FOXJ3: variants seen among roughly 807,000 people sequenced by gnomAD.
FOXJ3 encodes the protein forkhead box J3.
A neutral mutation model predicts 76.1 loss-of-function variants in FOXJ3; 22 were observed. The ratio of observed to expected loss-of-function variants is 0.29; its 90% CI spans 0.21 to 0.41. The LOEUF is 0.41. Ranked by LOEUF, FOXJ3 falls within the 10% of genes least tolerant of loss-of-function variation. FOXJ3 has a pLI of 1.00. For missense variants in FOXJ3, 613 were observed against 762.1 expected (o/e 0.80, Z 2.30); for synonymous variants, 269 against 261.2 (o/e 1.03, Z -0.29).
At chr1:42,223,296 G>A (rs1647298315) in intron 5 of FOXJ3, among the ~76,000 whole-genome samples, 2 of 152,086 alleles carry the variant, frequency 1.3e-5, no homozygotes, top group South Asian at 2.1e-4. Flanking sequence ...CTTGCAATGG[G>A]TTATGTGAAG....
intron 2 of FOXJ3, among the ~76,000 whole-genome samples, chr1:42,293,073 C>A (rs546398675): frequency 2.6e-4 from 39 of 152,202 alleles, no homozygotes; most frequent in African/African-American, 9.4e-4. Flanking sequence ...TGTACTCCAG[C>A]CTGGGTGACA....
intron 2 of FOXJ3, among the ~76,000 whole-genome samples, chr1:42,288,710 C>T (rs1486651814): frequency 6.6e-6 from 1 of 152,124 alleles, no homozygotes; most frequent in Non-Finnish European, 1.5e-5. Flanking sequence ...TCACTCTTAT[C>T]CTCTCATACA....
intron 11 of FOXJ3, among the ~76,000 whole-genome samples, chr1:42,182,777 C>T (rs1019915691): frequency 1.7e-4 from 26 of 152,228 alleles, no homozygotes; most frequent in African/African-American, 6.3e-4. Context: ...GGATTATAGG[C>T]ATGAGCCACC....
intron 7 of FOXJ3, among the ~76,000 whole-genome samples, chr1:42,197,196 TTAG>T (rs1287233944): frequency 6.6e-6 from 1 of 152,094 alleles, no homozygotes; most frequent in African/African-American, 2.4e-5. Flanking sequence ...CTTCTGGCAT[TTAG>T]TAGCATCAAA....
At chr1:42,228,069 C>A in intron 4 of FOXJ3, 103 bp from the exon 5 acceptor site, 1 of 505,112 alleles carries the variant, frequency 2.0e-6, no homozygotes, top group Admixed American at 3.6e-5. Flanking sequence ...TCTGCAAATA[C>A]AATGGAAAAA....
chr1:42,314,531 C>A (rs546982114), intron 1 of FOXJ3, among the ~76,000 whole-genome samples: 4 of 152,170 alleles, frequency 2.6e-5, no homozygotes, highest in African/African-American at 9.7e-5. Flanking sequence ...GGATTACAGG[C>A]GTGAGGCACC....
At chr1:42,263,026 T>C (rs1056291269) in intron 4 of FOXJ3, among the ~76,000 whole-genome samples, 6 of 152,156 alleles carry the variant, frequency 3.9e-5, no homozygotes, top group East Asian at 3.8e-4. Context: ...TGAAAACTAC[T>C]GGTAAAAGAT....
chr1:42,331,788 G>C (rs1388685187), intron 1 of FOXJ3, among the ~76,000 whole-genome samples: 1 of 150,888 alleles, frequency 6.6e-6, no homozygotes, highest in Non-Finnish European at 1.5e-5. Context: ...TTAAATGTGT[G>C]AATGAAATGG....
At chr1:42,275,105 G>C (rs1009055252) in intron 3 of FOXJ3, among the ~76,000 whole-genome samples, 12 of 152,190 alleles carry the variant, frequency 7.9e-5, no homozygotes, top group Non-Finnish European at 1.8e-4. Flanking sequence ...GAAGCACTCT[G>C]TGCTAAGGTA....
rs147745265 is a variant in FOXJ3, at chr1:42,333,004, A to G, written c.-18+2055T>C. Among the ~76,000 whole-genome samples the G allele has an allele frequency of 4.3e-3, 648 of 152,264 alleles. 4 individuals carry two copies. The highest frequency in any genetic ancestry group is 0.015 in the African/African-American group (603 of 41,548). On this transcript the variant is annotated intron_variant, in intron 1 of 12. Coordinates refer to ENST00000361346, the MANE Select transcript of FOXJ3 (RefSeq NM_014947.5). ...ATAAGTTGAAGCTTTCCAAGAGACC[A>G]CGTATCTTATTCGTCTCTTCATACA...
At chr1:42,179,966 T>TTTTG (rs1646285206) in intron 12 of FOXJ3, 141 bp from the exon 13 acceptor site, 1 of 595,304 alleles carries the variant, frequency 1.7e-6, no homozygotes, top group Admixed American at 2.8e-5. Flanking sequence ...AAGTGGCTCT[T>TTTTG]ATGATCCTTA....
intron 3 of FOXJ3, among the ~76,000 whole-genome samples, chr1:42,277,438 G>A (rs1470770741): frequency 1.3e-4 from 19 of 151,714 alleles, no homozygotes; most frequent in Non-Finnish European, 2.1e-4. Context: ...CGAGGCGGGC[G>A]GATCACAAGG....
chr1:42,224,841 C>A (rs1298254988), intron 5 of FOXJ3, among the ~76,000 whole-genome samples: 2 of 151,978 alleles, frequency 1.3e-5, no homozygotes, highest in Non-Finnish European at 2.9e-5. Context: ...AATCCCAGCA[C>A]TTTGGGAGGC....
At chr1:42,308,609 A>C (rs1570222428) in intron 2 of FOXJ3, among the ~76,000 whole-genome samples, 1 of 152,306 alleles carries the variant, frequency 6.6e-6, no homozygotes, top group East Asian at 1.9e-4. Context: ...TCGGTTTATA[A>C]ATTAAATGCT....
At chr1:42,306,108 C>T (rs1397292918) in intron 2 of FOXJ3, among the ~76,000 whole-genome samples, 3 of 152,060 alleles carry the variant, frequency 2.0e-5, no homozygotes, top group Non-Finnish European at 4.4e-5. Context: ...ATAAAGCAAA[C>T]GATCAAGGAA....
chr1:42,321,328 C>A (rs959348802), intron 1 of FOXJ3, among the ~76,000 whole-genome samples: 1 of 152,058 alleles, frequency 6.6e-6, no homozygotes, highest in Non-Finnish European at 1.5e-5. Flanking sequence ...AAAATAATGT[C>A]TAAACACAAG....
chr1:42,195,182 C>T, intron 7 of FOXJ3, 118 bp from the exon 8 acceptor site: 1 of 696,548 alleles, frequency 1.4e-6, no homozygotes, highest in Non-Finnish European at 2.2e-6. Flanking sequence ...AATAACTCTT[C>T]TGTCTTAGGC....
At chr1:42,260,644 G>A (rs767915056) in intron 4 of FOXJ3, among the ~76,000 whole-genome samples, 5 of 152,046 alleles carry the variant, frequency 3.3e-5, no homozygotes, top group Non-Finnish European at 5.9e-5. Context: ...ACTGCACTGG[G>A]CAAAAGGGCA....
At chr1:42,187,516 C>G (rs1424046047) in intron 11 of FOXJ3, among the ~76,000 whole-genome samples, 1 of 151,662 alleles carries the variant, frequency 6.6e-6, no homozygotes, top group African/African-American at 2.4e-5. Flanking sequence ...GGCTTAGAAC[C>G]CATGAGAGAA....
Sources: gnomAD v4.1 joint callset for allele counts (sites outside exome capture counted in the v4.1 genomes callset) on GRCh38, gnomAD v4.1.1 for gene constraint, MANE v1.5 for transcripts, NCBI Gene and HGNC (gene_info 2026-07-23, HGNC 2026-07-21) for gene names.